Variants in SHISA9 observed in about 807,000 individuals in gnomAD.
SHISA9 encodes the protein shisa family member 9.
A neutral mutation model predicts 38.0 loss-of-function variants in SHISA9; 13 were observed. The observed-to-expected ratio is 0.34, with a 90% CI of 0.22 to 0.54. The LOEUF (loss-of-function observed/expected upper bound fraction) is 0.54. Ranked by LOEUF, SHISA9 falls within the 20% of genes least tolerant of loss-of-function variation. The pLI is 0.91. For synonymous variants in SHISA9, 275 were observed against 242.0 expected (o/e 1.14, Z -1.27); for missense variants, 538 against 575.8 (o/e 0.93, Z 0.67).
chr16:13,265,740 T>G, the SHISA9 span, among the ~76,000 whole-genome samples: 1 of 152,108 alleles, frequency 6.6e-6, no homozygotes, highest in African/African-American at 2.4e-5. Context: ...TGAGACACTT[T>G]TCCTTCTTTC....
chr16:13,501,989 G>A, the SHISA9 span, among the ~76,000 whole-genome samples: 37 of 138,722 alleles, frequency 2.7e-4, no homozygotes, highest in Admixed American at 6.5e-4. Flanking sequence ...GCAACAAAGC[G>A]AAACTCCGTA....
At chr16:12,945,990 C>A (rs2071683875) in intron 2 of SHISA9, among the ~76,000 whole-genome samples, 1 of 152,182 alleles carries the variant, frequency 6.6e-6, no homozygotes, top group Non-Finnish European at 1.5e-5. Context: ...CACCTGTAAT[C>A]CTAGCTACTT....
chr16:13,470,060 AT>A, the SHISA9 span, among the ~76,000 whole-genome samples: 2 of 152,166 alleles, frequency 1.3e-5, no homozygotes, highest in Non-Finnish European at 2.9e-5. Context: ...ATTTTGATGC[AT>A]TTTTAAATCC....
intron 4 of SHISA9, among the ~76,000 whole-genome samples, chr16:13,224,713 G>T (rs2142078335): frequency 6.6e-6 from 1 of 152,300 alleles, no homozygotes; most frequent in East Asian, 1.9e-4. Context: ...AGTAATATGA[G>T]CTATGAACAT....
intron 2 of SHISA9, among the ~76,000 whole-genome samples, chr16:13,043,800 C>T (rs924656292): frequency 1.3e-5 from 2 of 152,186 alleles, no homozygotes; most frequent in Non-Finnish European, 2.9e-5. Flanking sequence ...TCCTTCAGAG[C>T]TCAGCCTGAA....
intron 2 of SHISA9, among the ~76,000 whole-genome samples, chr16:13,143,185 T>G (rs1489743327): frequency 6.6e-6 from 1 of 151,888 alleles, no homozygotes; most frequent in Non-Finnish European, 1.5e-5. Context: ...ATTTTTTGTA[T>G]TTTTGGTACA....
rs76670755 is a variant in SHISA9 at position 13,216,392 on chromosome 16, T to C, written c.895+3092T>C. Among the ~76,000 whole-genome samples, 44 of 152,298 alleles carry C rather than the reference T, an allele frequency of 2.9e-4. 1 individual carries two copies. The East Asian group carries it at 6.9e-3, about 24-fold the overall frequency. Reference sequence around the variant, plus strand: ...TGAGATAAGGTGTTGAAAACACGTGTCATAGTACCTGGCATATGGAAAGTA... The same window carrying C: ...TGAGATAAGGTGTTGAAAACACGTGCCATAGTACCTGGCATATGGAAAGTA... On this transcript the variant is annotated intron_variant, in intron 4 of 4. Transcript: ENST00000558583.
chr16:13,491,629 A>G, the SHISA9 span, among the ~76,000 whole-genome samples: 1 of 151,584 alleles, frequency 6.6e-6, no homozygotes, highest in Non-Finnish European at 1.5e-5. Flanking sequence ...CTAGGATTAC[A>G]GGTGCACGCC....
At chr16:13,476,095 T>A in the SHISA9 span, among the ~76,000 whole-genome samples, 15 of 152,082 alleles carry the variant, frequency 9.9e-5, no homozygotes, top group African/African-American at 3.4e-4. Context: ...CCATTGACAG[T>A]TTGTTTTTTT....
chr16:12,930,691 A>T (rs2141742077), intron 2 of SHISA9, among the ~76,000 whole-genome samples: 1 of 152,270 alleles, frequency 6.6e-6, no homozygotes, highest in East Asian at 1.9e-4. Flanking sequence ...AACACTGGTG[A>T]TGCAAAGTAA....
At chr16:13,059,216 C>A (rs576238006) in intron 2 of SHISA9, among the ~76,000 whole-genome samples, 3 of 150,658 alleles carry the variant, frequency 2.0e-5, no homozygotes, top group Non-Finnish European at 4.4e-5. Flanking sequence ...CAAGCTCCCC[C>A]TCCCGGGTTC....
intron 2 of SHISA9, among the ~76,000 whole-genome samples, chr16:13,086,313 C>G (rs969856352): frequency 6.9e-6 from 1 of 144,494 alleles, no homozygotes; most frequent in Admixed American, 7.1e-5. Context: ...CGAGATCATG[C>G]CACTGCACTC....
the SHISA9 span, among the ~76,000 whole-genome samples, chr16:13,291,491 A>G: frequency 6.6e-6 from 1 of 152,046 alleles, no homozygotes; most frequent in Non-Finnish European, 1.5e-5. Flanking sequence ...TTACCCACAC[A>G]CTTTATGTAT....
intron 2 of SHISA9, among the ~76,000 whole-genome samples, chr16:13,166,967 C>G (rs1168664454): frequency 6.6e-6 from 1 of 152,000 alleles, no homozygotes; most frequent in Non-Finnish European, 1.5e-5. Flanking sequence ...GCACATGTAC[C>G]CTGGAACTTC....
the SHISA9 span, among the ~76,000 whole-genome samples, chr16:13,467,164 T>A: frequency 6.6e-6 from 1 of 152,132 alleles, no homozygotes; most frequent in Non-Finnish European, 1.5e-5. Flanking sequence ...GGTGTGTCTG[T>A]GAGTGTGTTG....
chr16:13,440,656 C>T, the SHISA9 span, among the ~76,000 whole-genome samples: 2 of 152,144 alleles, frequency 1.3e-5, no homozygotes, highest in South Asian at 2.1e-4. Context: ...TGGCCGGGTG[C>T]GGCGGCTCAC....
rs535360960 is a variant in SHISA9 at position 12,996,124 on chromosome 16, T to C, written c.691+79309T>C. 2.6e-5 allele frequency among the ~76,000 whole-genome samples: 4 copies of C among 152,326 alleles called. No individual in the cohort carries two copies. In the South Asian group the frequency reaches 8.3e-4, roughly 32 times the overall value. On this transcript the variant is annotated intron_variant, in intron 2 of 4. Transcript: ENST00000558583. ...CTGTTGCCAAAAGCTCAGATGCTTT[T>C]TGATGACAGTCTACAACCAAAAGTT...
intron 2 of SHISA9, among the ~76,000 whole-genome samples, chr16:13,149,391 A>G (rs2050477083): frequency 6.6e-6 from 1 of 152,152 alleles, no homozygotes; most frequent in African/African-American, 2.4e-5. Flanking sequence ...CACTGGGCAC[A>G]GGGTCACAGA....
At chr16:13,172,643 T>C (rs2142022588) in intron 2 of SHISA9, among the ~76,000 whole-genome samples, 1 of 152,178 alleles carries the variant, frequency 6.6e-6, no homozygotes, top group East Asian at 1.9e-4. Flanking sequence ...CGTTGAGTCT[T>C]CCAGCAACAA....
Sources: gnomAD v4.1 joint callset for allele counts (sites outside exome capture counted in the v4.1 genomes callset) on GRCh38, gnomAD v4.1.1 for gene constraint, MANE v1.5 for transcripts, NCBI Gene and HGNC (gene_info 2026-07-23, HGNC 2026-07-21) for gene names.